The following SLC22A2 variants were observed in gnomAD, a reference collection of about 807,000 sequenced individuals.
SLC22A2 encodes the protein organic cation transporter 2.
In SLC22A2, 46 loss-of-function variants were observed where a neutral mutation model predicts 60.5. The observed-to-expected ratio is 0.76, with a 90% CI of 0.60 to 0.97. The LOEUF (loss-of-function observed/expected upper bound fraction) is 0.97. SLC22A2 is among the 50% of genes least tolerant of loss of function. SLC22A2 has a pLI of 0.00. For synonymous variants in SLC22A2, 303 were observed against 267.0 expected (o/e 1.13, Z -1.31); for missense variants, 701 against 706.6 (o/e 0.99, Z 0.09).
chr6:160,237,672 G>A (rs532482), intron 9 of SLC22A2, among the ~76,000 whole-genome samples: 106,275 of 152,096 alleles, frequency 0.7, 38,981 homozygotes, highest in Admixed American at 0.82. Flanking sequence ...AAATCTCAGA[G>A]GTGTTTGAAC....
intron 1 of SLC22A2, chr6:160,257,824 AAT>A (rs1395783185): frequency 5.2e-5 from 8 of 152,448 alleles, no homozygotes; most frequent in Admixed American, 5.2e-4. Flanking sequence ...TTAACAAAAT[AAT>A]AGTGCCATAG....
At chr6:160,249,424 A>G in intron 3 of SLC22A2, 40 bp from the exon 4 acceptor site, 2 of 1,531,872 alleles carry the variant, frequency 1.3e-6, no homozygotes, top group Non-Finnish European at 1.8e-6. Flanking sequence ...ATTCAATACA[A>G]TAATGAGTTG....
intron 10 of SLC22A2, among the ~76,000 whole-genome samples, chr6:160,218,459 T>A (rs78751008): frequency 0.082 from 2,989 of 36,412 alleles, 100 homozygotes; most frequent in African/African-American, 0.23. Context: ...AGTAGAAGCA[T>A]CAGTGACAAC....
intron 10 of SLC22A2, among the ~76,000 whole-genome samples, chr6:160,221,649 ATTAATTGAC>A (rs775280057): frequency 7.2e-5 from 11 of 152,330 alleles, no homozygotes; most frequent in Non-Finnish European, 1.0e-4. Context: ...TTGTAGAGCT[ATTAATTGAC>A]CTAATTTCAA....
chr6:160,230,529 A>G (rs1457083661), intron 9 of SLC22A2, among the ~76,000 whole-genome samples: 1 of 151,992 alleles, frequency 6.6e-6, no homozygotes, highest in East Asian at 1.9e-4. Context: ...ATTAGAATAA[A>G]GCTCCAAAAA....
Position 160,258,385 on chromosome 6 carries a change from C to G in SLC22A2, c.373G>C (p.Gly125Arg). The G allele has an allele frequency of 6.2e-7, 1 of 1,613,632 alleles. No homozygotes were observed. The highest frequency in any genetic ancestry group is 8.5e-7 in the Non-Finnish European group (1 of 1,179,844). ...GAGCCAGGCGTCTCGTACACCCAGC[C>G]GTCCCGGCAGGGGCCCAGTGGCAGG... is the stretch of plus-strand genomic sequence containing the variant. ...SRLPLGPCRD[G>R]WVYETPGSSI... is the part of the protein sequence containing the mutation. Residue 125 changes from glycine (G) to arginine (R), a missense_variant, in exon 1 of 11, where the codon GGC becomes CGC. By Grantham distance (125) the Gly-to-Arg change is moderately radical (BLOSUM62 -2). Coordinates refer to ENST00000366953, the MANE Select transcript of SLC22A2 (RefSeq NM_003058.4).
chr6:160,243,731 C>T lies in SLC22A2; in HGVS notation c.1120G>A (p.Asp374Asn). Residue 374 changes from aspartate to asparagine, a missense_variant, in exon 7 of 11, where the codon GAC becomes AAC. Transcript: ENST00000366953. ...GLIMHMGLAG[D>N]NIYLDFFYSA... ...TAGAAGAAATCCAGGTAGATATTGT[C>T]ACCTGCAAGGCCCATGTGCATGATG... The T allele has an allele frequency of 6.2e-7, 1 of 1,613,956 alleles. No individual in the cohort carries two copies. Among genetic ancestry groups the T allele is most frequent in the African/African-American group, 1.3e-5 (1 of 75,028 alleles).
Position 160,254,397 on chromosome 6 carries a change from A to T in SLC22A2, c.518+2217T>A, listed in dbSNP as rs963128809. ...CAGGTGACACTCAAAATCATTGATG[A>T]GGAAGTTATGGGTTATACTTGGGTC... is the stretch of plus-strand genomic sequence containing the variant. On this transcript the variant is annotated intron_variant, in intron 2 of 10. Transcript: ENST00000366953. Among the ~76,000 whole-genome samples, 7 of 152,222 alleles carry T rather than the reference A, an allele frequency of 4.6e-5. No individual in the cohort carries two copies. The South Asian group carries it at 1.4e-3, about 32-fold the overall frequency.
rs981428077 is a variant in SLC22A2, at chr6:160,247,116, A to G, written c.957+68T>C. On this transcript the variant is annotated intron_variant, in intron 5 of 10. Coordinates refer to ENST00000366953, the MANE Select transcript of SLC22A2 (RefSeq NM_003058.4). ...ATGGTTCCCTGCTGAGATCACTGGC[A>G]TGCATGAATCTTACCAGAGCCTCCC... The G allele has an allele frequency of 1.8e-4, 162 of 917,138 alleles. 2 individuals are homozygous for G. The East Asian group carries it at 1.9e-3, about 11-fold the overall frequency. The allele number at this position is 917,138 out of a possible 1,614,324, so 56.8% of individuals were successfully genotyped here. A position where few individuals can be genotyped will look rare whatever the true frequency, so the allele number is the denominator to read the frequency against.
chr6:160,254,866 G>T (rs753973627), intron 2 of SLC22A2, among the ~76,000 whole-genome samples: 2 of 152,226 alleles, frequency 1.3e-5, no homozygotes, highest in Non-Finnish European at 2.9e-5. Context: ...AGGGATTTAT[G>T]ACCAATCTCC....
At chr6:160,224,920 C>T (rs1583390021) in intron 9 of SLC22A2, 116 bp from the exon 10 acceptor site, 1 of 509,498 alleles carries the variant, frequency 2.0e-6, no homozygotes. Context: ...TACTTATTTA[C>T]AGATTCCTTT....
intron 2 of SLC22A2, 119 bp downstream of exon 2, chr6:160,256,495 C>T: frequency 2.9e-6 from 2 of 696,802 alleles, no homozygotes; most frequent in Non-Finnish European, 5.2e-6. Flanking sequence ...AGCATGAAGG[C>T]CAGGAGATTG....
intron 2 of SLC22A2, among the ~76,000 whole-genome samples, chr6:160,254,332 A>T (rs954379695): frequency 2.0e-5 from 3 of 147,846 alleles, no homozygotes; most frequent in Admixed American, 6.6e-5. Context: ...TGTTAAAATT[A>T]AAAAAACCCT....
intron 10 of SLC22A2, among the ~76,000 whole-genome samples, chr6:160,223,729 T>A (rs1401497965): frequency 6.6e-6 from 1 of 152,148 alleles, no homozygotes; most frequent in East Asian, 1.9e-4. Context: ...TTTATTTAAT[T>A]TATTTTTATT....
rs1353691987 is a variant in SLC22A2, at chr6:160,250,672, T to C, written c.549A>G (p.Thr183=). The change falls in exon 3 of 11, where the codon ACA becomes ACG. Residue 183 remains threonine, a synonymous_variant. Coordinates refer to ENST00000366953, the MANE Select transcript of SLC22A2 (RefSeq NM_003058.4). ...CTCCAGCTGCAGCATTTATGAGGAC[T>C]GTAGTTAGGAGGCAGAGCTTACGGC... ...RFGRKLCLLT[T]VLINAAAGVL... 9 of 1,614,084 alleles carry C rather than the reference T, an allele frequency of 5.6e-6. No individual in the cohort carries two copies. Among genetic ancestry groups the C allele is most frequent in the Non-Finnish European group, 7.6e-6 (9 of 1,179,964 alleles).
At chr6:160,218,276 G>A (rs917218532) in intron 10 of SLC22A2, 1 of 182,918 alleles carries the variant, frequency 5.5e-6, no homozygotes, top group African/African-American at 3.4e-5. Context: ...AGCTCCTCTG[G>A]TCTCTCTGCC....
intron 5 of SLC22A2, among the ~76,000 whole-genome samples, chr6:160,246,475 G>A (rs1326146170): frequency 6.6e-6 from 1 of 152,026 alleles, no homozygotes; most frequent in African/African-American, 2.4e-5. Flanking sequence ...AGCCTGGTGC[G>A]GTGGCTCATG....
chr6:160,256,902 C>A (rs2504941), intron 1 of SLC22A2, among the ~76,000 whole-genome samples, 185 bp from the exon 2 acceptor site: 83,368 of 130,728 alleles, frequency 0.64, 24,640 homozygotes, highest in South Asian at 0.74. Flanking sequence ...CTCTCTCTCT[C>A]TTTTTTTTTT....
At chr6:160,224,912 C>T (rs565886087) in intron 9 of SLC22A2, 108 bp from the exon 10 acceptor site, 4 of 535,306 alleles carry the variant, frequency 7.5e-6, no homozygotes, top group African/African-American at 1.9e-5. Context: ...TTTTTCTATA[C>T]TTATTTACAG....
Sources: gnomAD v4.1 joint callset for allele counts (sites outside exome capture counted in the v4.1 genomes callset) on GRCh38, gnomAD v4.1.1 for gene constraint, MANE v1.5 for transcripts, NCBI Gene and HGNC (gene_info 2026-07-23, HGNC 2026-07-21) for gene names.